Variants in MINDY2 observed in about 807,000 individuals in gnomAD.
The protein encoded by MINDY2 is ubiquitin carboxyl-terminal hydrolase MINDY-2.
A neutral mutation model predicts 68.2 loss-of-function variants in MINDY2; 52 were observed. That is an observed-to-expected ratio of 0.76 (90% CI 0.61 to 0.96). MINDY2 has a LOEUF of 0.96. Among genes scored for constraint, MINDY2 ranks in the 40% least tolerant of loss-of-function variants. MINDY2 has a pLI of 0.00. For synonymous variants in MINDY2, 372 were observed against 303.0 expected (o/e 1.23, Z -2.36); for missense variants, 881 against 773.4 (o/e 1.14, Z -1.65).
intron 1 of MINDY2, among the ~76,000 whole-genome samples, chr15:58,782,388 C>A (rs1901203411): frequency 6.6e-6 from 1 of 152,148 alleles, no homozygotes; most frequent in Non-Finnish European, 1.5e-5. Context: ...AAATAAAAAT[C>A]TTATCTTCTG....
rs78780638 is a variant in MINDY2 at position 58,830,393 on chromosome 15, A to G, written c.1226-1381A>G. ...TAGAATATCCCTAATCTGAAAATCCAAAATCCAAAATGCTCCAAAATCTAA... is the reference window on the plus strand; with the variant it reads ...TAGAATATCCCTAATCTGAAAATCCGAAATCCAAAATGCTCCAAAATCTAA... On this transcript the variant is annotated intron_variant, in intron 5 of 8. Transcript: ENST00000559228. Among the ~76,000 whole-genome samples, 747 of 152,314 alleles carry G rather than the reference A, an allele frequency of 4.9e-3. 44 individuals carry two copies. The East Asian group carries it at 0.13, about 27-fold the overall frequency.
At chr15:58,828,847 G>A (rs1025697860) in intron 5 of MINDY2, among the ~76,000 whole-genome samples, 18 of 151,708 alleles carry the variant, frequency 1.2e-4, no homozygotes, top group African/African-American at 2.9e-4. Context: ...GAGCCACTGC[G>A]CCCAGTCTTA....
intron 4 of MINDY2, among the ~76,000 whole-genome samples, chr15:58,819,864 T>C (rs1182887891): frequency 3.3e-5 from 5 of 152,192 alleles, no homozygotes; most frequent in African/African-American, 9.6e-5. Flanking sequence ...TTTTGTGCAA[T>C]GTACATAGAA....
At chr15:58,777,206 A>G (rs1900825574) in intron 1 of MINDY2, among the ~76,000 whole-genome samples, 1 of 152,224 alleles carries the variant, frequency 6.6e-6, no homozygotes, top group Non-Finnish European at 1.5e-5. Flanking sequence ...GAGCAGGAAG[A>G]ATGACTGGTT....
At position 58,858,666 on chromosome 15, in the gene MINDY2, A is replaced by G. The variant is rs2140888106; in HGVS notation, c.*4056A>G. ...AGCAAAAGCGAATTGATTACATTTG[A>G]TTAACTTTTCCTATTCCATGCACAA... On this transcript the variant is annotated 3_prime_UTR_variant, in exon 9 of 9. Transcript: ENST00000559228. The G allele has an allele frequency of 6.6e-6, 1 of 152,282 alleles. No homozygotes were observed. Among genetic ancestry groups the G allele is most frequent in the Non-Finnish European group, 1.5e-5 (1 of 67,970 alleles). 9.4% of individuals were successfully genotyped at this position (152,282 alleles called of 1,614,324 possible).
At position 58,785,337 on chromosome 15, in the gene MINDY2, C is replaced by T. The variant is rs533865065; in HGVS notation, c.841-2569C>T. Among the ~76,000 whole-genome samples the T allele has an allele frequency of 2.6e-4, 39 of 151,818 alleles. No individual in the cohort carries two copies. The South Asian group carries it at 6.7e-3, about 26-fold the overall frequency. On this transcript the variant is annotated intron_variant, in intron 1 of 8. Transcript: ENST00000559228. ...TGACTTTGCTTGTAAGTAAGTGAGT[C>T]GAAATATTTGTGTATTTGCTTCTAA...
chr15:58,845,555 G>A (rs1283577953), intron 6 of MINDY2, among the ~76,000 whole-genome samples: 4 of 152,126 alleles, frequency 2.6e-5, no homozygotes, highest in African/African-American at 9.7e-5. Context: ...AACAAATGTT[G>A]GTGAGGATAT....
chr15:58,787,079 G>T (rs142467456), intron 1 of MINDY2, among the ~76,000 whole-genome samples: 1 of 149,908 alleles, frequency 6.7e-6, no homozygotes, highest in Admixed American at 6.7e-5. Flanking sequence ...ATCCGCCTGC[G>T]TTGGCCTTCC....
chr15:58,847,147 T>A (rs2141059293), intron 6 of MINDY2, 150 bp from the exon 7 acceptor site: 2 of 515,956 alleles, frequency 3.9e-6, no homozygotes, highest in African/African-American at 1.9e-5. Flanking sequence ...GTAAAATATC[T>A]ACTTGGTCTA....
At chr15:58,787,598 G>A (rs1901592500) in intron 1 of MINDY2, among the ~76,000 whole-genome samples, 1 of 151,914 alleles carries the variant, frequency 6.6e-6, no homozygotes. Context: ...TTAGCCAGGT[G>A]TGGTGGTGGG....
rs113279513 is a variant in MINDY2 at position 58,803,598 on chromosome 15, C to T, written c.963+1221C>T. ...TTGGGAGGCCAAGGTGGATGGGTCA[C>T]TTGAGGCCAGGAGTTCGAGACCAGC... On this transcript the variant is annotated intron_variant, in intron 3 of 8. Coordinates refer to ENST00000559228, the MANE Select transcript of MINDY2 (RefSeq NM_001040450.3). Among the ~76,000 whole-genome samples, 276 of 152,278 alleles carry T rather than the reference C, an allele frequency of 1.8e-3. 2 individuals carry two copies. Among genetic ancestry groups the T allele is most frequent in the African/African-American group, 6.4e-3 (266 of 41,542 alleles).
At chr15:58,821,157 C>G (rs1250998183) in intron 4 of MINDY2, among the ~76,000 whole-genome samples, 1 of 151,454 alleles carries the variant, frequency 6.6e-6, no homozygotes, top group African/African-American at 2.4e-5. Flanking sequence ...TATCCCATCC[C>G]CCATTAACAT....
At chr15:58,784,393 T>G (rs1403787656) in intron 1 of MINDY2, among the ~76,000 whole-genome samples, 1 of 152,216 alleles carries the variant, frequency 6.6e-6, no homozygotes, top group South Asian at 2.1e-4. Flanking sequence ...GGTAGGACAT[T>G]TTCCTAGATA....
intron 6 of MINDY2, among the ~76,000 whole-genome samples, chr15:58,841,583 T>C (rs1238921644): frequency 6.6e-6 from 1 of 151,842 alleles, no homozygotes; most frequent in Non-Finnish European, 1.5e-5. Context: ...TTTTGTACTT[T>C]TAGTAGAGAC....
chr15:58,854,500 G>T lies in MINDY2; in HGVS notation c.1756G>T (p.Ala586Ser). The part of the protein sequence containing the change: ...TQAQQGQPAQ[A>S]SPSSGRQSGN... ...CTTAAAGCAGGGCCAGCCAGCACAA[G>T]CCTCTCCATCAAGTGGAAGACAATC... Residue 586 changes from alanine to serine, a missense_variant, in exon 9 of 9, where the codon GCC becomes TCC. By Grantham distance (99) the Ala-to-Ser change is moderately conservative (BLOSUM62 1). Transcript: ENST00000559228. 1 of 1,613,572 alleles carries T rather than the reference G, an allele frequency of 6.2e-7. No individual in the cohort carries two copies. The highest frequency in any genetic ancestry group is 1.7e-5 in the Admixed American group (1 of 59,954).
intron 7 of MINDY2, among the ~76,000 whole-genome samples, chr15:58,849,291 G>A (rs1381825906): frequency 1.7e-4 from 26 of 151,236 alleles, no homozygotes; most frequent in Non-Finnish European, 1.8e-4. Context: ...TCACGAGGTC[G>A]GGAGATCAAG....
At chr15:58,792,463 G>A (rs150046817) in intron 2 of MINDY2, among the ~76,000 whole-genome samples, 3,517 of 152,210 alleles carry the variant, frequency 0.023, 46 homozygotes, top group Middle Eastern at 0.044. Context: ...AAAATTAGCC[G>A]GGCGTGGTGG....
chr15:58,810,277 G>C lies in MINDY2; in HGVS notation c.1011G>C (p.Leu337=). 1 of 1,613,550 alleles carries C rather than the reference G, an allele frequency of 6.2e-7. No individual in the cohort carries two copies. Among genetic ancestry groups the C allele is most frequent in the African/African-American group, 1.3e-5 (1 of 74,982 alleles). Residue 337 remains leucine (L), a synonymous_variant, in exon 4 of 9, where the codon CTG becomes CTC. Coordinates refer to ENST00000559228, the MANE Select transcript of MINDY2 (RefSeq NM_001040450.3). ...MAILHKLQTG[L]DVNVRFTGVR... is the part of the protein sequence containing the mutation. ...TTTTGCACAAACTACAGACAGGCCT[G>C]GATGTAAATGTAAGATTCACTGGTG...
At chr15:58,848,175 T>A (rs2032630129) in intron 7 of MINDY2, among the ~76,000 whole-genome samples, 1 of 151,994 alleles carries the variant, frequency 6.6e-6, no homozygotes, top group African/African-American at 2.4e-5. Context: ...GATGGTGATG[T>A]GAATTCTTCC....
Sources: allele counts gnomAD v4.1 joint callset (sites outside exome capture counted in the v4.1 genomes callset), GRCh38; gene constraint gnomAD v4.1.1; transcripts MANE v1.5; gene names NCBI Gene and HGNC (gene_info 2026-07-23, HGNC 2026-07-21).